The following EML4 variants were observed in gnomAD, a reference collection of about 807,000 sequenced individuals.
EML4 encodes the protein EMAP like 4, also known as echinoderm microtubule-associated protein-like 4.
In EML4, 72 loss-of-function variants were observed where a neutral mutation model predicts 129.0. That is an observed-to-expected ratio of 0.56 (90% CI 0.46 to 0.68). The LOEUF is 0.68. EML4 is among the 30% of genes least tolerant of loss of function. EML4 has a pLI of 0.00. For missense variants in EML4, 1,363 were observed against 1,190.6 expected (o/e 1.14, Z -2.13); for synonymous variants, 532 against 405.0 (o/e 1.31, Z -3.77).
intron 1 of EML4, among the ~76,000 whole-genome samples, chr2:42,224,928 C>T (rs1354641061): frequency 6.6e-6 from 1 of 152,046 alleles, no homozygotes; most frequent in African/African-American, 2.4e-5. Flanking sequence ...TCCTTTCAGT[C>T]CCCGGTAACC....
intron 5 of EML4, among the ~76,000 whole-genome samples, chr2:42,263,753 T>C (rs1468360995): frequency 7.0e-6 from 1 of 143,024 alleles, no homozygotes; most frequent in Non-Finnish European, 1.5e-5. Flanking sequence ...ACTTCTCTTA[T>C]GGAGTCTCAC....
At chr2:42,273,346 G>A (rs1049099116) in intron 6 of EML4, among the ~76,000 whole-genome samples, 13 of 152,196 alleles carry the variant, frequency 8.5e-5, no homozygotes, top group Admixed American at 8.5e-4. Flanking sequence ...ATTTCAAGCA[G>A]TAAAAATAAT....
At chr2:42,220,879 A>G (rs950014984) in intron 1 of EML4, among the ~76,000 whole-genome samples, 3 of 152,190 alleles carry the variant, frequency 2.0e-5, no homozygotes, top group Non-Finnish European at 2.9e-5. Context: ...GTCAGACCAG[A>G]CACAACATTC....
rs761399901 is a variant in EML4 at position 42,263,274 on chromosome 2, A to G, written c.609A>G (p.Lys203=). ...NKLSKIPSTP[K]LIPKVTKTAD... ...TGTCGAAAATACCTTCAACACCCAAATTAATACCAAAAGTTACCAAAACTG... is the reference window on the plus strand; with the variant it reads ...TGTCGAAAATACCTTCAACACCCAAGTTAATACCAAAAGTTACCAAAACTG... The change falls in exon 5 of 23, where the codon AAA becomes AAG. Residue 203 remains lysine (K), a synonymous_variant. Transcript: ENST00000318522. 1 of 1,612,680 alleles carries G rather than the reference A, an allele frequency of 6.2e-7. No individual in the cohort carries two copies. The highest frequency in any genetic ancestry group is 8.5e-7 in the Non-Finnish European group (1 of 1,179,616).
At chr2:42,315,388 A>G (rs765408007) in intron 17 of EML4, among the ~76,000 whole-genome samples, 3 of 152,122 alleles carry the variant, frequency 2.0e-5, no homozygotes, top group Non-Finnish European at 2.9e-5. Flanking sequence ...TCTGTTTTCT[A>G]TTTAAACAGT....
chr2:42,298,828 A>T (rs1193988665), intron 13 of EML4, among the ~76,000 whole-genome samples: 1 of 152,224 alleles, frequency 6.6e-6, no homozygotes, highest in Non-Finnish European at 1.5e-5. Flanking sequence ...ATAGAGAACT[A>T]TGAAACTCCC....
intron 17 of EML4, among the ~76,000 whole-genome samples, chr2:42,312,266 C>CG (rs1207126088): frequency 1.3e-5 from 2 of 151,208 alleles, no homozygotes; most frequent in African/African-American, 4.9e-5. Flanking sequence ...AATTCTAAGC[C>CG]CCCCCCCACC....
chr2:42,243,777 C>A (rs926699664), intron 1 of EML4, among the ~76,000 whole-genome samples: 2 of 152,044 alleles, frequency 1.3e-5, no homozygotes, highest in Non-Finnish European at 2.9e-5. Flanking sequence ...TTTACTGTTC[C>A]ATAATGTAAT....
chr2:42,213,842 A>T (rs1019120772), intron 1 of EML4, among the ~76,000 whole-genome samples: 2 of 152,098 alleles, frequency 1.3e-5, no homozygotes, highest in South Asian at 4.2e-4. Context: ...TTCTTAAAAC[A>T]TATAAAATTA....
At chr2:42,304,316 C>G (rs564270596) in intron 16 of EML4, among the ~76,000 whole-genome samples, 168 bp from the exon 17 acceptor site, 1 of 152,330 alleles carries the variant, frequency 6.6e-6, no homozygotes, top group Admixed American at 6.5e-5. Context: ...CCCCTTCATG[C>G]TCTGAAATTC....
chr2:42,176,558 T>G (rs1558474683), intron 1 of EML4, among the ~76,000 whole-genome samples: 2 of 152,216 alleles, frequency 1.3e-5, no homozygotes, highest in East Asian at 3.9e-4. Flanking sequence ...CATCTTTTCA[T>G]CCTGATGACT....
intron 16 of EML4, among the ~76,000 whole-genome samples, chr2:42,303,793 T>C (rs1303722291): frequency 1.3e-5 from 2 of 151,832 alleles, no homozygotes; most frequent in East Asian, 3.9e-4. Flanking sequence ...GGCGTGGTGG[T>C]GGGCGCCTGT....
At position 42,330,305 on chromosome 2, in the gene EML4, T is replaced by C. The variant is rs1211478312; in HGVS notation, c.*98T>C. Reference sequence around the variant, plus strand: ...GGCAGTGATGGAGAATCACTGTTGATTGAGATTTTGGTTTCCATGTGATTT... The same window carrying C: ...GGCAGTGATGGAGAATCACTGTTGACTGAGATTTTGGTTTCCATGTGATTT... On this transcript the variant is annotated 3_prime_UTR_variant, in exon 23 of 23. Coordinates refer to ENST00000318522, the MANE Select transcript of EML4 (RefSeq NM_019063.5). 2.7e-6 allele frequency: 3 copies of C among 1,127,906 alleles called. No individual in the cohort carries two copies. The highest frequency in any genetic ancestry group is 3.1e-5 in the African/African-American group (2 of 65,498). 69.9% of individuals were successfully genotyped at this position (1,127,906 alleles called of 1,614,324 possible).
At chr2:42,248,687 AT>A (rs977224552) in intron 2 of EML4, among the ~76,000 whole-genome samples, 7 of 151,800 alleles carry the variant, frequency 4.6e-5, no homozygotes, top group African/African-American at 7.2e-5. Flanking sequence ...CTAATTAGAG[AT>A]TTTTTTTCCA....
At chr2:42,304,036 T>G (rs888313990) in intron 16 of EML4, among the ~76,000 whole-genome samples, 6 of 152,222 alleles carry the variant, frequency 3.9e-5, no homozygotes, top group African/African-American at 1.4e-4. Flanking sequence ...TTAATTATTA[T>G]GGAAACATTT....
intron 13 of EML4, among the ~76,000 whole-genome samples, chr2:42,295,814 C>T (rs1176453720): frequency 6.6e-6 from 1 of 152,104 alleles, no homozygotes; most frequent in Non-Finnish European, 1.5e-5. Context: ...GCTCACTTTC[C>T]CCTGAGCTGG....
intron 1 of EML4, among the ~76,000 whole-genome samples, chr2:42,225,441 A>T (rs1053565146): frequency 1.3e-5 from 2 of 152,166 alleles, no homozygotes; most frequent in African/African-American, 4.8e-5. Context: ...TTCTTTAGAG[A>T]AATGCCTATT....
chr2:42,234,542 A>G (rs1405131983), intron 1 of EML4, among the ~76,000 whole-genome samples: 1 of 152,210 alleles, frequency 6.6e-6, no homozygotes, highest in Admixed American at 6.5e-5. Flanking sequence ...TTGGGAATGA[A>G]TCTAGATTCC....
At chr2:42,194,900 A>G (rs917710210) in intron 1 of EML4, among the ~76,000 whole-genome samples, 2 of 152,162 alleles carry the variant, frequency 1.3e-5, no homozygotes, top group Non-Finnish European at 2.9e-5. Flanking sequence ...ATTTCTGTGT[A>G]TGGTGTAAGA....
Sources: allele counts gnomAD v4.1 joint callset (sites outside exome capture counted in the v4.1 genomes callset), GRCh38; gene constraint gnomAD v4.1.1; transcripts MANE v1.5; gene names NCBI Gene and HGNC (gene_info 2026-07-23, HGNC 2026-07-21).